The following RPS6KA5 variants were observed in gnomAD, a reference collection of about 807,000 sequenced individuals.
RPS6KA5 encodes ribosomal protein S6 kinase A5.
A neutral mutation model predicts 85.5 loss-of-function variants in RPS6KA5; 27 were observed. That is an observed-to-expected ratio of 0.32 (90% confidence interval 0.23 to 0.44). The LOEUF is 0.44. Among genes scored for constraint, RPS6KA5 ranks in the 20% least tolerant of loss-of-function variants. The pLI is 1.00. For missense variants in RPS6KA5, 811 were observed against 980.9 expected, an observed-to-expected ratio of 0.83 and a Z score of 2.31; for synonymous variants, 334 against 348.2, an observed-to-expected ratio of 0.96 and a Z score of 0.46.
intron 7 of RPS6KA5, 98 bp downstream of exon 7, chr14:90,920,108 T>G (rs2036327444): frequency 2.4e-6 from 2 of 821,724 alleles, no homozygotes; most frequent in African/African-American, 1.7e-5. Context: ...TTGTCTATCC[T>G]CATTTTAAAA....
intron 3 of RPS6KA5, among the ~76,000 whole-genome samples, chr14:90,959,523 A>C (rs949749267): frequency 6.6e-6 from 1 of 152,180 alleles, no homozygotes; most frequent in African/African-American, 2.4e-5. Context: ...AACTAAAGAG[A>C]TGGAGTGGGT....
chr14:90,891,722 C>T (rs990464998), intron 13 of RPS6KA5, among the ~76,000 whole-genome samples: 6 of 152,136 alleles, frequency 3.9e-5, no homozygotes, highest in African/African-American at 1.4e-4. Context: ...GAAAGAAAAA[C>T]AAAACATTAA....
chr14:91,038,057 G>A (rs1012188823), intron 1 of RPS6KA5, among the ~76,000 whole-genome samples: 2 of 152,202 alleles, frequency 1.3e-5, no homozygotes, highest in Non-Finnish European at 2.9e-5. Flanking sequence ...CACCTTGTAA[G>A]AAATCCATCT....
intron 3 of RPS6KA5, among the ~76,000 whole-genome samples, chr14:90,962,468 G>T (rs2038853970): frequency 6.6e-6 from 1 of 151,976 alleles, no homozygotes; most frequent in African/African-American, 2.4e-5. Flanking sequence ...TGTACTTTTA[G>T]TAGAGACAGG....
intron 2 of RPS6KA5, among the ~76,000 whole-genome samples, chr14:90,983,877 C>G (rs1158099628): frequency 6.7e-6 from 1 of 149,990 alleles, no homozygotes; most frequent in Non-Finnish European, 1.5e-5. Context: ...CCAAGTCTTG[C>G]TCTGTCGCCC....
Position 90,940,766 on chromosome 14 carries a change from A to T in RPS6KA5, c.618+2312T>A, listed in dbSNP as rs552929066. Reference sequence around the variant, plus strand: ...GCACAGCAGGAGGTGAGCAGCAGACAAGCATTGCCACCTGAGCTCTGCCTT... The same window carrying T: ...GCACAGCAGGAGGTGAGCAGCAGACTAGCATTGCCACCTGAGCTCTGCCTT... On this transcript the variant is annotated intron_variant, in intron 5 of 16. Transcript: ENST00000614987. Among the ~76,000 whole-genome samples the T allele has an allele frequency of 9.2e-5, 14 of 152,328 alleles. No homozygotes were observed. The South Asian group carries it at 2.9e-3, about 32-fold the overall frequency.
At chr14:91,005,745 T>C (rs1403075736) in intron 1 of RPS6KA5, among the ~76,000 whole-genome samples, 1 of 152,218 alleles carries the variant, frequency 6.6e-6, no homozygotes, top group Non-Finnish European at 1.5e-5. Flanking sequence ...TTCTCTTAAT[T>C]GTTAACCTAA....
At chr14:90,898,175 G>C (rs1416984754) in intron 12 of RPS6KA5, among the ~76,000 whole-genome samples, 2 of 152,176 alleles carry the variant, frequency 1.3e-5, no homozygotes, top group Non-Finnish European at 2.9e-5. Context: ...TCAGATCCCA[G>C]CCTTACCACA....
At chr14:90,902,707 C>A in intron 9 of RPS6KA5, 101 bp downstream of exon 9, 1 of 1,081,768 alleles carries the variant, frequency 9.2e-7, no homozygotes. Context: ...TAGAGAATCC[C>A]ATTTTTATGA....
intron 2 of RPS6KA5, among the ~76,000 whole-genome samples, chr14:90,999,705 C>G (rs182239419): frequency 1.4e-3 from 219 of 152,248 alleles, no homozygotes; most frequent in Non-Finnish European, 2.1e-3. Context: ...AATGCGGGTG[C>G]CTTGTTCATG....
intron 15 of RPS6KA5, among the ~76,000 whole-genome samples, chr14:90,874,254 C>G (rs1194912425): frequency 6.6e-6 from 1 of 152,204 alleles, no homozygotes; most frequent in Non-Finnish European, 1.5e-5. Context: ...GCTATTATAA[C>G]ATCAGGGATA....
intron 3 of RPS6KA5, among the ~76,000 whole-genome samples, chr14:90,954,964 G>T (rs77364643): frequency 5.3e-5 from 8 of 151,934 alleles, no homozygotes; most frequent in African/African-American, 1.7e-4. Flanking sequence ...TCTTGATTTT[G>T]CCAATTTGAG....
At chr14:90,877,631 T>C (rs967279121) in intron 14 of RPS6KA5, among the ~76,000 whole-genome samples, 2 of 152,316 alleles carry the variant, frequency 1.3e-5, no homozygotes, top group East Asian at 3.9e-4. Flanking sequence ...CATATTCCAA[T>C]CCTGTGTTCC....
intron 1 of RPS6KA5, 91 bp downstream of exon 1, chr14:91,060,241 G>T (rs1219462160): frequency 3.1e-6 from 3 of 970,236 alleles, no homozygotes; most frequent in Admixed American, 6.3e-5. Flanking sequence ...CCACGGCTGC[G>T]GCCCCGCGCC....
intron 13 of RPS6KA5, chr14:90,894,097 T>C (rs961988385): frequency 3.6e-5 from 36 of 990,098 alleles, no homozygotes; most frequent in Non-Finnish European, 4.2e-5. Context: ...GTAAGAGATA[T>C]TATTTTCTGC....
At chr14:91,034,344 T>G (rs1289941045) in intron 1 of RPS6KA5, among the ~76,000 whole-genome samples, 4 of 151,640 alleles carry the variant, frequency 2.6e-5, no homozygotes, top group Non-Finnish European at 5.9e-5. Flanking sequence ...TCCCAAAATA[T>G]TCATATTATT....
intron 5 of RPS6KA5, among the ~76,000 whole-genome samples, chr14:90,939,111 A>T (rs1439299862): frequency 6.6e-6 from 1 of 152,224 alleles, no homozygotes; most frequent in Non-Finnish European, 1.5e-5. Flanking sequence ...CTTCTGCCAG[A>T]TACCCTAAAT....
At chr14:90,983,122 A>AG (rs1281674318) in intron 2 of RPS6KA5, among the ~76,000 whole-genome samples, 2 of 151,734 alleles carry the variant, frequency 1.3e-5, no homozygotes, top group Non-Finnish European at 2.9e-5. Context: ...CAAAAAAAAA[A>AG]AAAAATTAGC....
At chr14:90,903,854 C>T (rs948038106) in intron 8 of RPS6KA5, among the ~76,000 whole-genome samples, 1 of 152,048 alleles carries the variant, frequency 6.6e-6, no homozygotes, top group Admixed American at 6.5e-5. Flanking sequence ...AGATGATGGC[C>T]ACTGTAACAT....
Sources: gnomAD v4.1 joint callset for allele counts (sites outside exome capture counted in the v4.1 genomes callset) on GRCh38, gnomAD v4.1.1 for gene constraint, MANE v1.5 for transcripts, NCBI Gene and HGNC (gene_info 2026-07-23, HGNC 2026-07-21) for gene names.